The following CNTN5 variants were observed in gnomAD, a reference collection of about 807,000 sequenced individuals.
CNTN5 encodes contactin-5.
Under a neutral mutation model 129.1 loss-of-function variants are expected in CNTN5, and 77 were observed. The observed-to-expected ratio is 0.60, with a 90% CI of 0.50 to 0.72. CNTN5 has a LOEUF of 0.72. Ranked by LOEUF, CNTN5 falls within the 30% of genes least tolerant of loss-of-function variation. The pLI, the probability that CNTN5 is intolerant of heterozygous loss-of-function variation, is 0.00. For synonymous variants in CNTN5, 509 were observed against 465.6 expected (o/e 1.09, Z -1.20); for missense variants, 1,478 against 1,328.8 (o/e 1.11, Z -1.75).
At chr11:99,276,185 G>A (rs1381496346) in intron 1 of CNTN5, among the ~76,000 whole-genome samples, 4 of 151,680 alleles carry the variant, frequency 2.6e-5, no homozygotes, top group African/African-American at 9.7e-5. Context: ...ACAGGTATAA[G>A]ATGGATCTTG....
chr11:99,920,519 T>A (rs1206801604), intron 7 of CNTN5, among the ~76,000 whole-genome samples: 3 of 152,160 alleles, frequency 2.0e-5, no homozygotes, highest in Admixed American at 2.0e-4. Context: ...CCTGGTTATT[T>A]CTTCCCCAAA....
intron 2 of CNTN5, among the ~76,000 whole-genome samples, chr11:99,409,001 C>T (rs1242052295): frequency 1.3e-5 from 2 of 152,132 alleles, no homozygotes; most frequent in South Asian, 2.1e-4. Context: ...CAACAGTCAG[C>T]CTGTTTTGTG....
intron 3 of CNTN5, among the ~76,000 whole-genome samples, chr11:99,802,612 GC>G (rs1244605514): frequency 6.6e-6 from 1 of 152,132 alleles, no homozygotes; most frequent in East Asian, 1.9e-4. Context: ...TGTTCAAGAG[GC>G]CTGGAGGTCT....
At chr11:99,893,035 C>A (rs932743578) in intron 6 of CNTN5, among the ~76,000 whole-genome samples, 1 of 152,060 alleles carries the variant, frequency 6.6e-6, no homozygotes, top group Non-Finnish European at 1.5e-5. Flanking sequence ...AGAATAGAAT[C>A]TTTTCAGCTG....
At chr11:99,280,604 A>G (rs1389321789) in intron 1 of CNTN5, among the ~76,000 whole-genome samples, 1 of 151,756 alleles carries the variant, frequency 6.6e-6, no homozygotes, top group East Asian at 1.9e-4. Flanking sequence ...CCACCCTGAA[A>G]TTTTATAGCT....
chr11:99,524,065 T>TA (rs1291010170), intron 2 of CNTN5, among the ~76,000 whole-genome samples: 3 of 152,066 alleles, frequency 2.0e-5, no homozygotes, highest in Non-Finnish European at 2.9e-5. Flanking sequence ...TAGAAATAAA[T>TA]AAATACCTAT....
At chr11:99,299,461 A>G (rs1864528738) in intron 1 of CNTN5, among the ~76,000 whole-genome samples, 1 of 152,196 alleles carries the variant, frequency 6.6e-6, no homozygotes. Context: ...AGAATTGAAG[A>G]ATTGTGAACT....
At chr11:99,284,552 T>C (rs1863838809) in intron 1 of CNTN5, among the ~76,000 whole-genome samples, 1 of 151,448 alleles carries the variant, frequency 6.6e-6, no homozygotes, top group South Asian at 2.1e-4. Flanking sequence ...AACTCAGCTT[T>C]CCTTTGATAA....
chr11:100,220,710 T>C (rs1266104806), intron 15 of CNTN5, among the ~76,000 whole-genome samples: 1 of 152,186 alleles, frequency 6.6e-6, no homozygotes, highest in Non-Finnish European at 1.5e-5. Context: ...CATTATCATA[T>C]TGAAACTCTG....
intron 18 of CNTN5, among the ~76,000 whole-genome samples, chr11:100,285,742 A>C (rs548255999): frequency 1.3e-5 from 2 of 152,184 alleles, no homozygotes; most frequent in Non-Finnish European, 2.9e-5. Flanking sequence ...AAAAGGAAAA[A>C]TACTGAGGAG....
chr11:99,954,189 A>T (rs1194838517), intron 7 of CNTN5, among the ~76,000 whole-genome samples: 1 of 152,182 alleles, frequency 6.6e-6, no homozygotes, highest in Non-Finnish European at 1.5e-5. Flanking sequence ...GGGGAAAAAA[A>T]TTGATCCTAA....
At chr11:99,408,503 A>AAAGAAAGAAAGT (rs1390703661) in intron 2 of CNTN5, among the ~76,000 whole-genome samples, 157 of 144,794 alleles carry the variant, frequency 1.1e-3, no homozygotes, top group East Asian at 4.7e-3. Context: ...AGAAAGAAAG[A>AAAGAAAGAAAGT]AAGTTAGTTC....
intron 2 of CNTN5, among the ~76,000 whole-genome samples, chr11:99,352,913 A>G (rs1938396676): frequency 6.6e-6 from 1 of 152,088 alleles, no homozygotes; most frequent in Non-Finnish European, 1.5e-5. Context: ...CTGACTGTCA[A>G]TGCATAGAGA....
chr11:99,183,766 G>T (rs764484948), intron 1 of CNTN5, among the ~76,000 whole-genome samples: 141 of 152,048 alleles, frequency 9.3e-4, no homozygotes, highest in Non-Finnish European at 1.5e-3. Flanking sequence ...CAACCTAACT[G>T]CGTAAACTCC....
chr11:99,462,689 C>T (rs146531528), intron 2 of CNTN5, among the ~76,000 whole-genome samples: 188 of 152,272 alleles, frequency 1.2e-3, no homozygotes, highest in African/African-American at 4.3e-3. Context: ...TTGCTAACAC[C>T]TGAAACCTAT....
At chr11:99,981,063 G>A (rs564951709) in intron 8 of CNTN5, among the ~76,000 whole-genome samples, 1 of 87,468 alleles carries the variant, frequency 1.1e-5, no homozygotes, top group South Asian at 4.6e-4. Flanking sequence ...TTTATAGAGA[G>A]AAAGAGCCAA....
intron 2 of CNTN5, among the ~76,000 whole-genome samples, chr11:99,453,665 T>C (rs923969573): frequency 2.0e-5 from 3 of 152,238 alleles, no homozygotes; most frequent in Non-Finnish European, 2.9e-5. Context: ...AAATTATTTT[T>C]GCTACCCTGA....
intron 3 of CNTN5, among the ~76,000 whole-genome samples, chr11:99,669,143 T>C (rs1417648444): frequency 6.6e-6 from 1 of 152,140 alleles, no homozygotes; most frequent in African/African-American, 2.4e-5. Context: ...ATAATTTTAT[T>C]ATAATAGTGT....
intron 3 of CNTN5, among the ~76,000 whole-genome samples, chr11:99,756,729 C>T (rs920893715): frequency 6.6e-6 from 1 of 151,998 alleles, no homozygotes; most frequent in African/African-American, 2.4e-5. Flanking sequence ...CTTTCACTAA[C>T]TCTTTCTTGC....
Sources: gnomAD v4.1 joint callset for allele counts (sites outside exome capture counted in the v4.1 genomes callset) on GRCh38, gnomAD v4.1.1 for gene constraint, MANE v1.5 for transcripts, NCBI Gene and HGNC (gene_info 2026-07-23, HGNC 2026-07-21) for gene names.